PITRM1: variants seen among roughly 807,000 people sequenced by gnomAD.
PITRM1 encodes pitrilysin metallopeptidase 1.
In PITRM1, 100 loss-of-function variants were observed where a neutral mutation model predicts 129.9. That is an observed-to-expected ratio of 0.77 (90% CI 0.65 to 0.91). The LOEUF (loss-of-function observed/expected upper bound fraction) is 0.91, where lower values mean the gene tolerates loss of function less well. PITRM1 is among the 40% of genes least tolerant of loss of function. PITRM1 has a pLI of 0.00. For missense variants in PITRM1, 1,471 were observed against 1,318.3 expected, an observed-to-expected ratio of 1.12 and a Z score of -1.79; for synonymous variants, 591 against 508.8, an observed-to-expected ratio of 1.16 and a Z score of -2.17.
At chr10:3,138,814 G>T (rs758667812) in intron 25 of PITRM1, 90 bp downstream of exon 25, 1 of 1,229,944 alleles carries the variant, frequency 8.1e-7, no homozygotes, top group Non-Finnish European at 1.2e-6. Context: ...AGAAGCTAGT[G>T]CTCCTGCCCA....
intron 7 of PITRM1, chr10:3,163,472 C>T: frequency 3.5e-6 from 1 of 288,768 alleles, no homozygotes; most frequent in Non-Finnish European, 6.5e-6. Context: ...GGCTGCGGGG[C>T]CAGGACCCTC....
intron 20 of PITRM1, chr10:3,146,689 T>C (rs964706833): frequency 6.5e-6 from 1 of 154,338 alleles, no homozygotes; most frequent in Non-Finnish European, 1.4e-5. Flanking sequence ...TCAATGTCAC[T>C]GACAATAAGA....
chr10:3,153,109 C>G (rs754140808), intron 14 of PITRM1, among the ~76,000 whole-genome samples: 32 of 152,202 alleles, frequency 2.1e-4, no homozygotes, highest in Non-Finnish European at 3.7e-4. Flanking sequence ...ACTTACTGAC[C>G]TGAAATAACC....
intron 14 of PITRM1, among the ~76,000 whole-genome samples, chr10:3,152,693 C>G (rs1218056096): frequency 1.3e-5 from 2 of 152,244 alleles, no homozygotes; most frequent in Non-Finnish European, 2.9e-5. Context: ...AACATCCTGA[C>G]TTTCCCGACC....
intron 14 of PITRM1, among the ~76,000 whole-genome samples, chr10:3,154,790 T>C (rs1369364093): frequency 1.3e-5 from 2 of 152,152 alleles, no homozygotes; most frequent in Admixed American, 6.5e-5. Context: ...GAGAATCCAT[T>C]TGGGTCCCCT....
intron 24 of PITRM1, among the ~76,000 whole-genome samples, chr10:3,139,738 T>G (rs1406327268): frequency 2.0e-5 from 3 of 152,226 alleles, no homozygotes; most frequent in Non-Finnish European, 4.4e-5. Flanking sequence ...ATCTGCTCAC[T>G]GCAGTTTCAA....
intron 7 of PITRM1, 82 bp downstream of exon 7, chr10:3,163,643 G>T: frequency 8.6e-7 from 1 of 1,167,034 alleles, no homozygotes; most frequent in Non-Finnish European, 1.2e-6. Context: ...AAATGTGAGA[G>T]AAGCCATGCC....
At chr10:3,152,976 G>A (rs1372153877) in intron 14 of PITRM1, among the ~76,000 whole-genome samples, 1 of 152,218 alleles carries the variant, frequency 6.6e-6, no homozygotes, top group East Asian at 1.9e-4. Context: ...ACACACACAA[G>A]ACCAGAAATC....
At chr10:3,141,687 G>A (rs751259910) in intron 23 of PITRM1, 4 of 470,270 alleles carry the variant, frequency 8.5e-6, no homozygotes, top group South Asian at 3.1e-5. Flanking sequence ...CCTTGAAGAC[G>A]CCCGTGGTGA....
chr10:3,166,165 C>G (rs1842841853), intron 4 of PITRM1, 64 bp downstream of exon 4: 1 of 1,379,672 alleles, frequency 7.2e-7, no homozygotes. Flanking sequence ...CAGAAACTAA[C>G]TGAATTCCAG....
rs869025266 is a variant in PITRM1, at chr10:3,145,633, T to C, written c.2420A>G (p.Lys807Arg). 1.9e-6 allele frequency: 3 copies of C among 1,550,162 alleles called. No homozygotes were observed. In the Admixed American group the frequency reaches 5.9e-5, roughly 30 times the overall value. The change falls in exon 21 of 27, where the codon AAA (lysine) becomes AGA (arginine). Residue 807 changes from lysine to arginine, a missense_variant. By Grantham distance (26) the Lys-to-Arg change is conservative (BLOSUM62 2). Coordinates refer to ENST00000224949, the MANE Select transcript of PITRM1 (RefSeq NM_014889.4). ...EDFLRSIGRS[K>R]KERRPVRPHT... is the part of the protein sequence containing the mutation. ...TGGGCGCACAGGCCTCCGTTCCTTTTTACTCCGACCGATGCTTCTAAGGAA... is the reference window on the plus strand; with the variant it reads ...TGGGCGCACAGGCCTCCGTTCCTTTCTACTCCGACCGATGCTTCTAAGGAA...
intron 14 of PITRM1, among the ~76,000 whole-genome samples, chr10:3,152,640 A>G (rs1841618320): frequency 2.0e-5 from 3 of 152,220 alleles, no homozygotes; most frequent in Admixed American, 1.3e-4. Context: ...CGGAGCTCAG[A>G]CCTGGGCTCT....
intron 14 of PITRM1, among the ~76,000 whole-genome samples, chr10:3,154,286 T>G (rs1419580569): frequency 2.0e-5 from 3 of 152,244 alleles, no homozygotes; most frequent in Admixed American, 1.3e-4. Context: ...TCAAGCTTTG[T>G]GCGGACGCCT....
chr10:3,165,766 G>C (rs538265685), intron 4 of PITRM1, among the ~76,000 whole-genome samples: 1 of 152,266 alleles, frequency 6.6e-6, no homozygotes, highest in African/African-American at 2.4e-5. Context: ...GCTTTCTTCA[G>C]CGAATATCTA....
intron 22 of PITRM1, 36 bp from the exon 23 acceptor site, chr10:3,143,537 GC>G: frequency 7.2e-7 from 1 of 1,386,908 alleles, no homozygotes; most frequent in Non-Finnish European, 1.0e-6. Flanking sequence ...CGGCTGTGCT[GC>G]CATGCACCGC....
At chr10:3,145,517 G>T in intron 21 of PITRM1, 79 bp downstream of exon 21, 1 of 1,232,860 alleles carries the variant, frequency 8.1e-7, no homozygotes, top group South Asian at 1.3e-5. Flanking sequence ...TCTGAGAATT[G>T]AGTTAATGCG....
At position 3,165,445 on chromosome 10, in the gene PITRM1, G is replaced by C. The variant is rs200729800; in HGVS notation, c.501C>G (p.Thr167=). 6.2e-6 allele frequency: 10 copies of C among 1,613,300 alleles called. No homozygotes were observed. The South Asian group carries it at 9.9e-5, about 16-fold the overall frequency. Residue 167 remains threonine, a synonymous_variant, in exon 5 of 27, where the codon ACC becomes ACG. Coordinates refer to ENST00000224949, the MANE Select transcript of PITRM1 (RefSeq NM_014889.4). The part of the protein sequence containing the change: ...QNLLSVYLDA[T]FFPCLRELDF... ...CCAGCTCGCGTAAACATGGGAAAAA[G>C]GTGGCATCCAAATACACCGAGAGGA...
intron 7 of PITRM1, among the ~76,000 whole-genome samples, chr10:3,160,667 C>T (rs978680976): frequency 8.6e-5 from 13 of 152,018 alleles, no homozygotes; most frequent in African/African-American, 1.7e-4. Flanking sequence ...GCAGTGGCAC[C>T]GTCACAGCTC....
At chr10:3,170,289 T>C in intron 1 of PITRM1, 83 bp from the exon 2 acceptor site, 1 of 941,210 alleles carries the variant, frequency 1.1e-6, no homozygotes, top group South Asian at 1.6e-5. Context: ...GAAAATACTC[T>C]CATGTAATAA....
Sources: allele counts gnomAD v4.1 joint callset (sites outside exome capture counted in the v4.1 genomes callset), GRCh38; gene constraint gnomAD v4.1.1; transcripts MANE v1.5; gene names NCBI Gene and HGNC (gene_info 2026-07-23, HGNC 2026-07-21).